The following MRPS23 variants were observed in gnomAD, a reference collection of about 807,000 sequenced individuals.
The protein encoded by MRPS23 is mitochondrial ribosomal protein S23, also known as small ribosomal subunit protein mS23.
Under a neutral mutation model 19.8 loss-of-function variants are expected in MRPS23, and 14 were observed. The ratio of observed to expected loss-of-function variants is 0.71; its 90% CI spans 0.47 to 1.11. MRPS23 has a LOEUF of 1.11. Ranked by LOEUF, MRPS23 falls within the 50% of genes least tolerant of loss-of-function variation. The pLI is 0.00. For missense variants in MRPS23, 242 were observed against 236.7 expected (o/e 1.02, Z -0.15); for synonymous variants, 113 against 89.7 (o/e 1.26, Z -1.47).
chr17:57,844,631 C>T lies in MRPS23; in HGVS notation c.216-3371G>A, dbSNP rs547081514. 4.0e-4 allele frequency among the ~76,000 whole-genome samples: 60 copies of T among 149,588 alleles called. 1 individual carries two copies. In the East Asian group the frequency reaches 8.9e-3, roughly 22 times the overall value. On this transcript the variant is annotated intron_variant, in intron 2 of 4. Transcript: ENST00000313608. ...AAAAAAAAAAAAAAAATTAGCCCGCCGTGGTGACACATGCCTGTAATCCCA... is the reference window on the plus strand; with the variant it reads ...AAAAAAAAAAAAAAAATTAGCCCGCTGTGGTGACACATGCCTGTAATCCCA...
At chr17:57,847,375 T>C (rs922961612) in intron 2 of MRPS23, among the ~76,000 whole-genome samples, 1 of 142,548 alleles carries the variant, frequency 7.0e-6, no homozygotes, top group African/African-American at 2.6e-5. Context: ...AAAAAGAGAA[T>C]AAAGAGGCCG....
Position 57,837,918 on chromosome 17 carries a change from T to A in MRPS23, c.*1865A>T, listed in dbSNP as rs899346675. On this transcript the variant is annotated 3_prime_UTR_variant, in exon 5 of 5. Coordinates refer to ENST00000313608, the MANE Select transcript of MRPS23 (RefSeq NM_016070.4). Reference sequence around the variant, plus strand: ...ATGGCTTCAGCCCAGGAGTTAAGACTGCGGCAGGGTATGCACCACTGCACC... The same window carrying A: ...ATGGCTTCAGCCCAGGAGTTAAGACAGCGGCAGGGTATGCACCACTGCACC... 1 of 151,836 alleles carries A rather than the reference T, an allele frequency of 6.6e-6. No homozygotes were observed. The highest frequency in any genetic ancestry group is 2.4e-5 in the African/African-American group (1 of 41,250). The allele number at this position is 151,836 out of a possible 1,614,324, so 9.4% of individuals were successfully genotyped here. A position where few individuals can be genotyped will look rare whatever the true frequency, so the allele number is the denominator to read the frequency against.
intron 4 of MRPS23, among the ~76,000 whole-genome samples, chr17:57,840,430 T>C (rs528127797): frequency 6.6e-6 from 1 of 151,622 alleles, no homozygotes; most frequent in South Asian, 2.1e-4. Context: ...TCAAAAGCCC[T>C]AATGACGACT....
chr17:57,849,829 A>T, intron 1 of MRPS23, 138 bp downstream of exon 1: 1 of 981,178 alleles, frequency 1.0e-6, no homozygotes, highest in Admixed American at 2.9e-5. Flanking sequence ...AAAACATGAG[A>T]GGGCCTCACC....
At chr17:57,849,501 ATTATGCGGT>A (rs1292413135) in intron 1 of MRPS23, 91 bp from the exon 2 acceptor site, 1 of 1,469,614 alleles carries the variant, frequency 6.8e-7, no homozygotes, top group African/African-American at 1.4e-5. Context: ...CATTAAAGGT[ATTATGCGGT>A]CTGCAACACA....
At chr17:57,843,316 T>G (rs982885258) in intron 2 of MRPS23, among the ~76,000 whole-genome samples, 5 of 152,056 alleles carry the variant, frequency 3.3e-5, no homozygotes, top group Non-Finnish European at 7.4e-5. Context: ...GTTCTCCAAC[T>G]TTTTGATCTT....
At chr17:57,847,643 CAG>C (rs2073784937) in intron 2 of MRPS23, among the ~76,000 whole-genome samples, 1 of 131,398 alleles carries the variant, frequency 7.6e-6, no homozygotes, top group South Asian at 2.5e-4. Flanking sequence ...GCCTGGGAGA[CAG>C]AGTGAGACTC....
chr17:57,839,949 A>C lies in MRPS23; in HGVS notation c.421-14T>G, dbSNP rs2073730562. The C allele has an allele frequency of 6.2e-7, 1 of 1,613,464 alleles. No individual in the cohort carries two copies. Among genetic ancestry groups the C allele is most frequent in the African/African-American group, 1.3e-5 (1 of 74,914 alleles). On this transcript the variant is annotated splice_polypyrimidine_tract_variant and intron_variant, in intron 4 of 4. Transcript: ENST00000313608. ...ACCTCCGTGTTGCTTAAAAGACCAG[A>C]TTTAAGTATCACAGAGATGTTATCA... is the stretch of plus-strand genomic sequence containing the variant.
intron 2 of MRPS23, among the ~76,000 whole-genome samples, chr17:57,845,038 C>T (rs532854650): frequency 1.3e-5 from 2 of 152,192 alleles, no homozygotes; most frequent in South Asian, 4.1e-4. Flanking sequence ...GCTGGGACTA[C>T]AGGTGCATGC....
intron 2 of MRPS23, 140 bp from the exon 3 acceptor site, chr17:57,841,400 GT>G (rs1568015301): frequency 2.5e-6 from 2 of 806,124 alleles, no homozygotes; most frequent in Non-Finnish European, 3.8e-6. Context: ...GAACAGTTTT[GT>G]TTTTTTAGAT....
chr17:57,846,119 G>A (rs9896049), intron 2 of MRPS23, among the ~76,000 whole-genome samples: 34,389 of 150,410 alleles, frequency 0.23, 4,271 homozygotes, highest in Non-Finnish European at 0.29. Context: ...AAGGTGGGGG[G>A]CAGCCCCCAC....
chr17:57,846,363 C>A (rs570967696), intron 2 of MRPS23, among the ~76,000 whole-genome samples: 2 of 152,028 alleles, frequency 1.3e-5, no homozygotes, highest in African/African-American at 2.4e-5. Flanking sequence ...CCGGCCGCCC[C>A]GTCTGGGAAG....
intron 2 of MRPS23, among the ~76,000 whole-genome samples, chr17:57,846,931 AAATAATAAAAATAAATT>A (rs2073779958): frequency 6.6e-6 from 1 of 151,182 alleles, no homozygotes; most frequent in African/African-American, 2.4e-5. Flanking sequence ...AAAAAATAAA[AAATAATAAAAATAAATT>A]AAAAATAAAA....
At chr17:57,840,509 A>T (rs2073733819) in intron 4 of MRPS23, among the ~76,000 whole-genome samples, 1 of 152,200 alleles carries the variant, frequency 6.6e-6, no homozygotes, top group Non-Finnish European at 1.5e-5. Flanking sequence ...TTTGACCTGG[A>T]GTTTAAGAAC....
intron 2 of MRPS23, among the ~76,000 whole-genome samples, chr17:57,847,700 CT>C (rs113062081): frequency 0.056 from 7,917 of 140,536 alleles, 441 homozygotes; most frequent in African/African-American, 0.15. Context: ...AAAAACAAAA[CT>C]TTTTTTTTTT....
chr17:57,848,801 G>A (rs541492771), intron 2 of MRPS23: 2 of 150,734 alleles, frequency 1.3e-5, no homozygotes, highest in South Asian at 2.1e-4. Context: ...CATAAGCTTG[G>A]AGTCAGAGAT....
At chr17:57,849,133 A>G in intron 2 of MRPS23, 107 bp downstream of exon 2, 2 of 1,439,358 alleles carry the variant, frequency 1.4e-6, no homozygotes, top group South Asian at 2.8e-5. Context: ...CCTTCTCCAC[A>G]GGGCAAACCC....
intron 2 of MRPS23, among the ~76,000 whole-genome samples, chr17:57,845,086 T>TG (rs1314322812): frequency 6.6e-6 from 1 of 151,882 alleles, no homozygotes; most frequent in Non-Finnish European, 1.5e-5. Flanking sequence ...TTAGCAGAGG[T>TG]GGGGTTTCAC....
intron 2 of MRPS23, among the ~76,000 whole-genome samples, chr17:57,846,359 GC>G (rs2073775680): frequency 6.6e-6 from 1 of 152,000 alleles, no homozygotes; most frequent in Middle Eastern, 3.2e-3. Flanking sequence ...CTGCCCGGCC[GC>G]CCCGTCTGGG....
Sources: gnomAD v4.1 joint callset for allele counts (sites outside exome capture counted in the v4.1 genomes callset) on GRCh38, gnomAD v4.1.1 for gene constraint, MANE v1.5 for transcripts, NCBI Gene and HGNC (gene_info 2026-07-23, HGNC 2026-07-21) for gene names.